Variants in VMP1 observed in about 807,000 individuals in gnomAD.
The protein encoded by VMP1 is vacuole membrane protein 1.
A neutral mutation model predicts 56.0 loss-of-function variants in VMP1; 11 were observed. That is an observed-to-expected ratio of 0.20 (90% confidence interval 0.12 to 0.32). The LOEUF is 0.32. Ranked by LOEUF, VMP1 falls within the 10% of genes least tolerant of loss-of-function variation. VMP1 has a pLI of 1.00. For synonymous variants in VMP1, 149 were observed against 165.0 expected, an observed-to-expected ratio of 0.90 and a Z score of 0.74; for missense variants, 296 against 490.3, an observed-to-expected ratio of 0.60 and a Z score of 3.74.
chr17:59,817,798 A>G (rs1221890853), intron 10 of VMP1, 25 bp downstream of exon 10: 2 of 1,546,038 alleles, frequency 1.3e-6, no homozygotes, highest in Non-Finnish European at 1.8e-6. Context: ...AAGGACTAAT[A>G]TTAATATAAT....
intron 7 of VMP1, among the ~76,000 whole-genome samples, chr17:59,778,715 C>T (rs1177870325): frequency 6.6e-6 from 1 of 152,162 alleles, no homozygotes; most frequent in Non-Finnish European, 1.5e-5. Flanking sequence ...GGGGATAGTT[C>T]AGTTTCTCCA....
chr17:59,798,014 T>G (rs1403450112), intron 7 of VMP1, among the ~76,000 whole-genome samples: 4 of 152,240 alleles, frequency 2.6e-5, no homozygotes, highest in Non-Finnish European at 5.9e-5. Flanking sequence ...CCAGCAGGGT[T>G]TCTGGAGTTC....
At chr17:59,801,117 TG>T (rs1451195396) in intron 7 of VMP1, among the ~76,000 whole-genome samples, 1 of 115,942 alleles carries the variant, frequency 8.6e-6, no homozygotes, top group African/African-American at 5.7e-5. Context: ...TATATATGTG[TG>T]TGTGTGTGTG....
chr17:59,810,215 G>C (rs890153305), intron 8 of VMP1, among the ~76,000 whole-genome samples: 1 of 151,916 alleles, frequency 6.6e-6, no homozygotes, highest in Non-Finnish European at 1.5e-5. Flanking sequence ...GTGCAGTGGC[G>C]AGATCTTGGC....
Position 59,751,395 on chromosome 17 carries a change from C to CAAG in VMP1, c.414+12448_414+12449insAAG, listed in dbSNP as rs541504383. Among the ~76,000 whole-genome samples, 16 of 151,988 alleles carry CAAG rather than the reference C, an allele frequency of 1.1e-4. No homozygotes were observed. The East Asian group carries it at 3.1e-3, about 29-fold the overall frequency. On this transcript the variant is annotated intron_variant, in intron 5 of 11. Coordinates refer to ENST00000262291, the MANE Select transcript of VMP1 (RefSeq NM_030938.5). ...TAAAGAGAACATAGCTGCTGTTGAC[C>CAAG]TCTTTGGTTCATCTCTATGCAGCCA...
chr17:59,827,949 A>T (rs2038694315), intron 10 of VMP1, among the ~76,000 whole-genome samples: 1 of 151,186 alleles, frequency 6.6e-6, no homozygotes, highest in Non-Finnish European at 1.5e-5. Context: ...AAAAGCTGCC[A>T]CTGGGGCCAG....
intron 10 of VMP1, among the ~76,000 whole-genome samples, chr17:59,818,031 G>A (rs2038307011): frequency 6.6e-6 from 1 of 152,000 alleles, no homozygotes. Flanking sequence ...AAGCTTTGGG[G>A]TTTGAATCTG....
rs2034789034 is a variant in VMP1 at position 59,730,653 on chromosome 17, CT to C, written c.-26-764del. 2.0e-5 allele frequency among the ~76,000 whole-genome samples: 3 copies of C among 152,128 alleles called. No individual in the cohort carries two copies. In the South Asian group the frequency reaches 6.2e-4, roughly 31 times the overall value. On this transcript the variant is annotated intron_variant, in intron 1 of 11. Transcript: ENST00000262291. ...TGTATTAAGGACTCAGCATTTTAGC[CT>C]TTTATTGAAGTGATGTGCTTTTTGA...
intron 6 of VMP1, among the ~76,000 whole-genome samples, chr17:59,766,558 T>C (rs994854693): frequency 6.6e-6 from 1 of 152,176 alleles, no homozygotes; most frequent in Non-Finnish European, 1.5e-5. Context: ...TTCTGAGTTA[T>C]TATAATGCTA....
intron 7 of VMP1, among the ~76,000 whole-genome samples, chr17:59,790,499 A>G (rs2037186253): frequency 6.6e-6 from 1 of 152,196 alleles, no homozygotes; most frequent in African/African-American, 2.4e-5. Flanking sequence ...CTCTGAAGGT[A>G]TAAAGTTTGG....
intron 7 of VMP1, among the ~76,000 whole-genome samples, chr17:59,799,760 T>G (rs2037572837): frequency 6.6e-6 from 1 of 152,056 alleles, no homozygotes; most frequent in Non-Finnish European, 1.5e-5. Context: ...GTCAGGAGTT[T>G]GAGACCAGCC....
chr17:59,822,081 G>A (rs2038474829), intron 10 of VMP1, among the ~76,000 whole-genome samples: 2 of 151,672 alleles, frequency 1.3e-5, no homozygotes, highest in African/African-American at 2.4e-5. Context: ...ACCTCAGGTG[G>A]TCCGCCCACC....
chr17:59,749,716 G>A (rs1598335457), intron 5 of VMP1, among the ~76,000 whole-genome samples: 2 of 151,798 alleles, frequency 1.3e-5, no homozygotes, highest in East Asian at 3.9e-4. Context: ...TCACCATGTT[G>A]GCCAGGCTGG....
At chr17:59,785,303 ACTT>A (rs2036969229) in intron 7 of VMP1, among the ~76,000 whole-genome samples, 1 of 152,206 alleles carries the variant, frequency 6.6e-6, no homozygotes, top group South Asian at 2.1e-4. Context: ...GAAATTTCCT[ACTT>A]CTTATTATTG....
At chr17:59,763,036 A>AG (rs1007801061) in intron 5 of VMP1, among the ~76,000 whole-genome samples, 1 of 152,188 alleles carries the variant, frequency 6.6e-6, no homozygotes, top group African/African-American at 2.4e-5. Flanking sequence ...CAAAGAGGAC[A>AG]GTAACATGGG....
At chr17:59,795,797 T>C (rs2037419498) in intron 7 of VMP1, among the ~76,000 whole-genome samples, 1 of 152,186 alleles carries the variant, frequency 6.6e-6, no homozygotes, top group Non-Finnish European at 1.5e-5. Context: ...TTTTACTTCA[T>C]TGGGTATCAG....
At chr17:59,815,875 A>AAC (rs1168659279) in intron 9 of VMP1, among the ~76,000 whole-genome samples, 1 of 147,986 alleles carries the variant, frequency 6.8e-6, no homozygotes, top group Non-Finnish European at 1.5e-5. Context: ...AAAAAAAAAA[A>AAC]AGATTCTTCT....
intron 1 of VMP1, among the ~76,000 whole-genome samples, chr17:59,717,005 G>C (rs1197214198): frequency 6.6e-6 from 1 of 151,230 alleles, no homozygotes; most frequent in Non-Finnish European, 1.5e-5. Flanking sequence ...TTTGAGACGG[G>C]GTCTCGCTCT....
At chr17:59,765,209 A>G (rs2036189608) in intron 6 of VMP1, 71 bp downstream of exon 6, 1 of 1,489,938 alleles carries the variant, frequency 6.7e-7, no homozygotes, top group African/African-American at 1.4e-5. Context: ...CCTTATTGAA[A>G]TGGAATCTAA....
Sources: allele counts gnomAD v4.1 joint callset (sites outside exome capture counted in the v4.1 genomes callset), GRCh38; gene constraint gnomAD v4.1.1; transcripts MANE v1.5; gene names NCBI Gene and HGNC (gene_info 2026-07-23, HGNC 2026-07-21).